Variants in PTPRQ observed in about 807,000 individuals in gnomAD.
PTPRQ encodes protein tyrosine phosphatase receptor type Q, also known as phosphatidylinositol phosphatase PTPRQ.
PTPRQ carries 199 observed loss-of-function variants against 246.0 expected under a neutral mutation model. The ratio of observed to expected loss-of-function variants is 0.81; its 90% CI spans 0.72 to 0.91. PTPRQ has a LOEUF of 0.91. Among genes scored for constraint, PTPRQ ranks in the 40% least tolerant of loss-of-function variants. The pLI is 0.00. For synonymous variants in PTPRQ, 869 were observed against 853.2 expected, an observed-to-expected ratio of 1.02 and a Z score of -0.32; for missense variants, 2,624 against 2,528.4, an observed-to-expected ratio of 1.04 and a Z score of -0.81.
At chr12:80,569,758 C>T (rs1444361179) in intron 25 of PTPRQ, among the ~76,000 whole-genome samples, 1 of 151,264 alleles carries the variant, frequency 6.6e-6, no homozygotes. Flanking sequence ...CCCGACAGGC[C>T]CCAGTGTGTG....
intron 26 of PTPRQ, among the ~76,000 whole-genome samples, chr12:80,598,336 G>A (rs1898036725): frequency 6.6e-6 from 1 of 151,962 alleles, no homozygotes; most frequent in South Asian, 2.1e-4. Flanking sequence ...CTGGGCTCTA[G>A]GAAAACATCC....
At chr12:80,649,274 T>C (rs1278723649) in intron 36 of PTPRQ, among the ~76,000 whole-genome samples, 1 of 152,182 alleles carries the variant, frequency 6.6e-6, no homozygotes, top group Admixed American at 6.5e-5. Flanking sequence ...AGAGGTATTA[T>C]GTGCTTTAGG....
chr12:80,445,852 C>T, intron 3 of PTPRQ, 135 bp downstream of exon 3: 3 of 600,002 alleles, frequency 5.0e-6, no homozygotes, highest in East Asian at 5.7e-5. Context: ...GTCATGGCCT[C>T]ACACCCACCT....
chr12:80,506,266 A>G, intron 15 of PTPRQ, 60 bp downstream of exon 15: 1 of 1,387,986 alleles, frequency 7.2e-7, no homozygotes, highest in South Asian at 1.6e-5. Flanking sequence ...AGCCACAAAT[A>G]TTAGTTTAAT....
chr12:80,463,621 G>A (rs1321916604), intron 6 of PTPRQ, among the ~76,000 whole-genome samples: 1 of 151,938 alleles, frequency 6.6e-6, no homozygotes, highest in African/African-American at 2.4e-5. Context: ...CAGAGAGAAA[G>A]GTCGGGTTAC....
rs1341255491 is a variant in PTPRQ, at chr12:80,549,750, C to G, written c.4285+16C>G. 6.6e-7 allele frequency: 1 copy of G among 1,525,606 alleles called. No homozygotes were observed. The highest frequency in any genetic ancestry group is 2.1e-5 in the Admixed American group (1 of 47,442). The allele number at this position is 1,525,606 out of a possible 1,614,324, so 94.5% of individuals were successfully genotyped here. A position where few individuals can be genotyped will look rare whatever the true frequency, so the allele number is the denominator to read the frequency against. On this transcript the variant is annotated intron_variant, in intron 25 of 44. Coordinates refer to ENST00000644991, the MANE Select transcript of PTPRQ (RefSeq NM_001145026.2). ...CCTGAAACAGGTAACTAACGTGAAACAGGTAACTAACATGAAACCTTTAAC... is the reference window on the plus strand; with the variant it reads ...CCTGAAACAGGTAACTAACGTGAAAGAGGTAACTAACATGAAACCTTTAAC...
At position 80,510,400 on chromosome 12, in the gene PTPRQ, CT is replaced by C. The variant is rs1420392446; in HGVS notation, c.2636del (p.Leu879ArgfsTer20). The stretch of plus-strand genomic sequence containing the variant: ...GGTGAAGTTGTCATGGCAACCACCC[CT>C]GGAGCCAAATGGAATTATCCTTTAT... ...VTVKLSWQPP[L>X]EPNGIILYYT... On this transcript the variant is annotated frameshift_variant, in exon 17 of 45. Transcript: ENST00000644991. LOFTEE classifies it high-confidence loss of function. The C allele has an allele frequency of 3.9e-6, 6 of 1,550,344 alleles. No individual in the cohort carries two copies. The highest frequency in any genetic ancestry group is 1.4e-5 in the African/African-American group (1 of 72,950).
chr12:80,619,845 A>C (rs1380265434), intron 31 of PTPRQ, among the ~76,000 whole-genome samples: 2 of 151,638 alleles, frequency 1.3e-5, no homozygotes, highest in African/African-American at 4.8e-5. Flanking sequence ...CTAGTAGATA[A>C]ACATGTTTTG....
intron 17 of PTPRQ, among the ~76,000 whole-genome samples, chr12:80,511,258 C>T (rs1252499566): frequency 6.6e-6 from 1 of 152,096 alleles, no homozygotes; most frequent in East Asian, 1.9e-4. Context: ...TTCCCTAATT[C>T]CCCTTTAACC....
intron 8 of PTPRQ, among the ~76,000 whole-genome samples, chr12:80,483,910 G>A (rs1592567469): frequency 6.6e-6 from 1 of 152,096 alleles, no homozygotes; most frequent in Admixed American, 6.6e-5. Context: ...CAAAGGACAT[G>A]ACCTCATCCT....
In PTPRQ at chr12:80,495,082, A is replaced by C. The variant is rs906641603; in HGVS notation, c.1690A>C (p.Thr564Pro). ...ACCACCAACAGTTCTCAGTGTTAGGACACGTCAGCAAGGTAAGGATGTATT... is the reference window on the plus strand; with the variant it reads ...ACCACCAACAGTTCTCAGTGTTAGGCCACGTCAGCAAGGTAAGGATGTATT... Reference protein sequence around the residue: ...EGPPTVLSVRTRQQVPSSIKI... With the variant: ...EGPPTVLSVRPRQQVPSSIKI... Residue 564 changes from threonine (T) to proline (P), a missense_variant, in exon 11 of 45, where the codon ACA (threonine) becomes CCA (proline). Thr to Pro is a conservative substitution (Grantham distance 38). Coordinates refer to ENST00000644991, the MANE Select transcript of PTPRQ (RefSeq NM_001145026.2). 1 of 1,550,386 alleles carries C rather than the reference A, an allele frequency of 6.5e-7. No individual in the cohort carries two copies. The highest frequency in any genetic ancestry group is 1.4e-5 in the African/African-American group (1 of 72,946).
At position 80,496,259 on chromosome 12, in the gene PTPRQ, C is replaced by A. The variant is rs1894617705; in HGVS notation, c.2000C>A (p.Ser667Ter). ...TCTTTTCTTCCCCTAGAACCGGAAT[C>A]ATCACCTCAAGATGTCGAAGTAATT... ...FVRTSEDEPE[S>*]SPQDVEVIDV... Residue 667 changes from serine to a stop codon, truncating the protein, a stop_gained, in exon 14 of 45, where the codon TCA (serine) becomes TAA (stop). Coordinates refer to ENST00000644991, the MANE Select transcript of PTPRQ (RefSeq NM_001145026.2). LOFTEE classifies it high-confidence loss of function. The A allele has an allele frequency of 2.6e-6, 4 of 1,549,952 alleles. No individual in the cohort carries two copies. The highest frequency in any genetic ancestry group is 3.5e-6 in the Non-Finnish European group (4 of 1,146,324).
At chr12:80,515,502 C>A (rs938604536) in intron 17 of PTPRQ, among the ~76,000 whole-genome samples, 3 of 151,620 alleles carry the variant, frequency 2.0e-5, no homozygotes, top group Non-Finnish European at 2.9e-5. Flanking sequence ...CTCACTGCAA[C>A]CTCTGCCTCC....
rs1209449182 is a variant in PTPRQ at position 80,506,032 on chromosome 12, A to G, written c.2281A>G (p.Ser761Gly). The G allele has an allele frequency of 1.3e-6, 2 of 1,544,330 alleles. No individual in the cohort carries two copies. The highest frequency in any genetic ancestry group is 1.7e-6 in the Non-Finnish European group (2 of 1,144,170). Residue 761 changes from serine to glycine, a missense_variant, in exon 15 of 45, where the codon AGT (serine) becomes GGT (glycine). Physicochemically the swap from Ser to Gly is moderately conservative, Grantham distance 56 (BLOSUM62 0). Coordinates refer to ENST00000644991, the MANE Select transcript of PTPRQ (RefSeq NM_001145026.2). ...SVRTSETVPD[S>G]APENITYKNI... ...ATTTTTGTTTCTTTCAGTGCCTGAT[A>G]GTGCACCAGAAAATATCACTTACAA...
At chr12:80,571,622 C>T (rs1002219177) in intron 25 of PTPRQ, among the ~76,000 whole-genome samples, 1 of 151,914 alleles carries the variant, frequency 6.6e-6, no homozygotes, top group African/African-American at 2.4e-5. Context: ...AAAATAATAT[C>T]CTGGGTTTTA....
intron 25 of PTPRQ, among the ~76,000 whole-genome samples, chr12:80,564,018 C>T (rs1482372682): frequency 1.3e-4 from 20 of 151,916 alleles, no homozygotes; most frequent in Admixed American, 1.1e-3. Flanking sequence ...TCTTGCTAGA[C>T]TGCACTGTTT....
At chr12:80,450,297 T>A (rs1270024317) in intron 3 of PTPRQ, among the ~76,000 whole-genome samples, 1 of 152,216 alleles carries the variant, frequency 6.6e-6, no homozygotes, top group Non-Finnish European at 1.5e-5. Context: ...TGGGGTTTTC[T>A]AGATATACAA....
In PTPRQ at chr12:80,484,531, C is replaced by G. The variant is rs61729287; in HGVS notation, c.1285C>G (p.Gln429Glu). The change falls in exon 9 of 45, where the codon CAA (glutamine) becomes GAA (glutamate). Residue 429 changes from glutamine to glutamate, a missense_variant. Coordinates refer to ENST00000644991, the MANE Select transcript of PTPRQ (RefSeq NM_001145026.2). ...KPRQPNGIIN[Q>E]YRVKVLVPET... is the part of the protein sequence containing the mutation. ...ACGACAACCAAATGGAATTATTAAC[C>G]AATACCGAGTGAAAGTGCTAGTTCC... is the stretch of plus-strand genomic sequence containing the variant. The G allele has an allele frequency of 0.021, 32,313 of 1,551,024 alleles. 392 individuals are homozygous for G. Among genetic ancestry groups the G allele is most frequent in the South Asian group, 0.024 (2,009 of 84,002 alleles).
At position 80,549,677 on chromosome 12, in the gene PTPRQ, A is replaced by G. The variant is rs1167132421; in HGVS notation, c.4228A>G (p.Thr1410Ala). 6.4e-7 allele frequency: 1 copy of G among 1,551,078 alleles called. No homozygotes were observed. The highest frequency in any genetic ancestry group is 2.0e-5 in the Admixed American group (1 of 50,970). ...TSYVFKVRAS[T>A]SAGEGDESTC... Reference sequence around the variant, plus strand: ...ATATGTCTTTAAAGTAAGAGCTTCAACCTCAGCTGGTGAAGGTGATGAAAG... The same window carrying G: ...ATATGTCTTTAAAGTAAGAGCTTCAGCCTCAGCTGGTGAAGGTGATGAAAG... Residue 1410 changes from threonine (T) to alanine (A), a missense_variant, in exon 25 of 45, where the codon ACC (threonine) becomes GCC (alanine). By Grantham distance (58) the Thr-to-Ala change is moderately conservative (BLOSUM62 0). Coordinates refer to ENST00000644991, the MANE Select transcript of PTPRQ (RefSeq NM_001145026.2).
Sources: gnomAD v4.1 joint callset for allele counts (sites outside exome capture counted in the v4.1 genomes callset) on GRCh38, gnomAD v4.1.1 for gene constraint, MANE v1.5 for transcripts, NCBI Gene and HGNC (gene_info 2026-07-23, HGNC 2026-07-21) for gene names.